The following CPXM1 variants were observed in gnomAD, a reference collection of about 807,000 sequenced individuals.
CPXM1 encodes the protein probable carboxypeptidase X1.
A neutral mutation model predicts 80.4 loss-of-function variants in CPXM1; 72 were observed. That is an observed-to-expected ratio of 0.90 (90% CI 0.74 to 1.09). The LOEUF is 1.09. Ranked by LOEUF, CPXM1 falls within the 50% of genes least tolerant of loss-of-function variation. CPXM1 has a pLI of 0.00. For synonymous variants in CPXM1, 403 were observed against 405.6 expected, an observed-to-expected ratio of 0.99 and a Z score of 0.08; for missense variants, 892 against 999.4, an observed-to-expected ratio of 0.89 and a Z score of 1.45.
chr20:2,797,630 G>A (rs2088524008), intron 5 of CPXM1, among the ~76,000 whole-genome samples: 2 of 152,230 alleles, frequency 1.3e-5, no homozygotes, highest in Non-Finnish European at 2.9e-5. Context: ...GTAGCCTGCT[G>A]TAAAAAGAGG....
rs753793658 is a variant in CPXM1, at chr20:2,795,401, C to G, written c.1736G>C (p.Ser579Thr). ...CTCAAAGCAGTTGGTGTGTAGGTAG[C>G]TGAAGTCATTCATGCCTAAGGGGAC... ...HTVPGSMNDF[S>T]YLHTNCFEVT... Residue 579 changes from serine to threonine, a missense_variant, in exon 12 of 14, where the codon AGC becomes ACC. Physicochemically the swap from Ser to Thr is moderately conservative, Grantham distance 58. Transcript: ENST00000380605. The surrounding 1 kb of genome is among the most constrained non-coding windows in gnomAD (Gnocchi z 5.4). 4.3e-6 allele frequency: 7 copies of G among 1,613,984 alleles called. No homozygotes were observed. The African/African-American group carries it at 8.0e-5, about 18-fold the overall frequency.
At position 2,794,420 on chromosome 20, in the gene CPXM1, C is replaced by A; in HGVS notation, c.1975G>T (p.Asp659Tyr). ...CCTGGGGTCAGCAGACGCCAATAAT[C>A]CCCGCCCCACGCTGAGGAGAGTGAA... ...NHDVTTAWGGDYWRLLTPGDY... is the reference protein window; with the variant it reads ...NHDVTTAWGGYYWRLLTPGDY... The change falls in exon 14 of 14, where the codon GAT (aspartate) becomes TAT (tyrosine). Residue 659 changes from aspartate (D) to tyrosine (Y), a missense_variant. Physicochemically the swap from Asp to Tyr is radical, Grantham distance 160. This residue lies in a region of CPXM1 where 874 missense variants were observed against 958.4 expected (regional missense o/e 0.91). Coordinates refer to ENST00000380605, the MANE Select transcript of CPXM1 (RefSeq NM_019609.5). This position sits in a 1 kb window ranked among gnomAD's most constrained non-coding sequence, Gnocchi z 5.2. 1 of 1,614,024 alleles carries A rather than the reference C, an allele frequency of 6.2e-7. No individual in the cohort carries two copies. Among genetic ancestry groups the A allele is most frequent in the Non-Finnish European group, 8.5e-7 (1 of 1,179,936 alleles).
In CPXM1 at chr20:2,798,075, A is replaced by G; in HGVS notation, c.591-17T>C. On this transcript the variant is annotated splice_polypyrimidine_tract_variant and intron_variant, in intron 4 of 13. Transcript: ENST00000380605. ...CAGTCATACCTGGCAGGAGAGGTGG[A>G]GAGAGATCATCGGTGCCCCCAGGAC... 6.2e-7 allele frequency: 1 copy of G among 1,614,026 alleles called. No homozygotes were observed. Among genetic ancestry groups the G allele is most frequent in the South Asian group, 1.1e-5 (1 of 91,080 alleles).
rs1166339889 is a variant in CPXM1 at position 2,794,766 on chromosome 20, A to G, written c.1861-127T>C. 6.2e-6 allele frequency: 4 copies of G among 648,116 alleles called. No homozygotes were observed. The highest frequency in any genetic ancestry group is 5.3e-5 in the East Asian group (2 of 37,456). 40.1% of individuals were successfully genotyped at this position (648,116 alleles called of 1,614,324 possible). On this transcript the variant is annotated intron_variant, in intron 12 of 13. Coordinates refer to ENST00000380605, the MANE Select transcript of CPXM1 (RefSeq NM_019609.5). This position sits in a 1 kb window ranked among gnomAD's most constrained non-coding sequence, Gnocchi z 5.2. Reference sequence around the variant, plus strand: ...TAGGTCTACTGTGTTCCTAGGTGACACTACTTCTGGAAGAAAAAAAAAAAA... The same window carrying G: ...TAGGTCTACTGTGTTCCTAGGTGACGCTACTTCTGGAAGAAAAAAAAAAAA...
chr20:2,795,759 G>GAGCTCGCGGGC lies in CPXM1; in HGVS notation c.1549_1559dup (p.Thr521ProfsTer59), dbSNP rs1454981182. The GAGCTCGCGGGC allele has an allele frequency of 1.9e-6, 3 of 1,613,488 alleles. No homozygotes were observed. The highest frequency in any genetic ancestry group is 1.3e-5 in the African/African-American group (1 of 75,052). On this transcript the variant is annotated frameshift_variant, in exon 11 of 14. Coordinates refer to ENST00000380605, the MANE Select transcript of CPXM1 (RefSeq NM_019609.5). LOFTEE classifies it high-confidence loss of function. The surrounding 1 kb of genome is among the most constrained non-coding windows in gnomAD (Gnocchi z 5.4). ...ACACAGCATCATCTGGTGTGGGCGTGAGCTCGCGGGCAGCCCACGGGGTGC... is the reference window on the plus strand; with the variant it reads ...ACACAGCATCATCTGGTGTGGGCGTGAGCTCGCGGGCAGCTCGCGGGCAGCCCACGGGGTGC...
At position 2,798,066 on chromosome 20, in the gene CPXM1, G is replaced by A. The variant is rs1302521716; in HGVS notation, c.591-8C>T. ...GATGTGACCCAGTCATACCTGGCAG[G>A]AGAGGTGGAGAGAGATCATCGGTGC... On this transcript the variant is annotated splice_polypyrimidine_tract_variant and splice_region_variant and intron_variant, in intron 4 of 13. Transcript: ENST00000380605. 6 of 1,614,138 alleles carry A rather than the reference G, an allele frequency of 3.7e-6. No individual in the cohort carries two copies. Among genetic ancestry groups the A allele is most frequent in the Non-Finnish European group, 5.1e-6 (6 of 1,180,006 alleles).
rs144563739 is a variant in CPXM1 at position 2,798,809 on chromosome 20, C to T, written c.257G>A (p.Arg86His). The T allele has an allele frequency of 3.1e-6, 5 of 1,613,850 alleles. No homozygotes were observed. Among genetic ancestry groups the T allele is most frequent in the East Asian group, 2.2e-5 (1 of 44,900 alleles). ...CCCGGCAGTCACCAGTGGGGTGGGG[C>T]GAGTTAGAGTTAGCTTCTTCCGCTT... ...MKKRKKLTLT[R>H]PTPLVTAGPL... The change falls in exon 2 of 14, where the codon CGC becomes CAC. Residue 86 changes from arginine (R) to histidine (H), a missense_variant. Physicochemically the swap from Arg to His is conservative, Grantham distance 29 (BLOSUM62 0). Transcript: ENST00000380605.
Position 2,797,292 on chromosome 20 carries a change from C to A in CPXM1, c.732G>T (p.Pro244=). 5 of 1,563,746 alleles carry A rather than the reference C, an allele frequency of 3.2e-6. No homozygotes were observed. The highest frequency in any genetic ancestry group is 1.2e-5 in the South Asian group (1 of 85,718). Residue 244 remains proline (P), a synonymous_variant, in exon 6 of 14, where the codon CCG becomes CCT. Transcript: ENST00000380605. ...DPETPVLNLL[P]EPQVARFIRL... ...GAATGAAGCGGGCCACCTGGGGCTC[C>A]GGCAGGAGGTTCAGCACTGGAGTTT...
rs762006674 is a variant in CPXM1 at position 2,795,427 on chromosome 20, C to T, written c.1721-11G>A. On this transcript the variant is annotated splice_polypyrimidine_tract_variant and intron_variant, in intron 11 of 13. Coordinates refer to ENST00000380605, the MANE Select transcript of CPXM1 (RefSeq NM_019609.5). This position sits in a 1 kb window ranked among gnomAD's most constrained non-coding sequence, Gnocchi z 5.4. Reference sequence around the variant, plus strand: ...TGAAGTCATTCATGCCTAAGGGGACCACAGACACTGCTGCCTAAGCAGGCG... The same window carrying T: ...TGAAGTCATTCATGCCTAAGGGGACTACAGACACTGCTGCCTAAGCAGGCG... The T allele has an allele frequency of 6.8e-6, 11 of 1,612,192 alleles. No individual in the cohort carries two copies. Among genetic ancestry groups the T allele is most frequent in the Non-Finnish European group, 9.3e-6 (11 of 1,178,510 alleles).
intron 2 of CPXM1, 84 bp downstream of exon 2, chr20:2,798,642 G>A: frequency 6.4e-7 from 1 of 1,552,096 alleles, no homozygotes. Flanking sequence ...CAAGGGGCGT[G>A]CCGGTGCCCA....
chr20:2,796,029 TG>T lies in CPXM1; in HGVS notation c.1374del (p.Asn459ThrfsTer24), dbSNP rs1315502719. Reference sequence around the variant, plus strand: ...TAAGTGGGCAATGGCAGGTGATGGTTGGGGACGATGTGGGGCACCTTCCCAT... The same window carrying T: ...TAAGTGGGCAATGGCAGGTGATGGTTGGGACGATGTGGGGCACCTTCCCAT... ...QDDGKVPHIV[P>X]NHHLPLPTYY... On this transcript the variant is annotated frameshift_variant, in exon 10 of 14. Transcript: ENST00000380605. LOFTEE classifies it high-confidence loss of function. This position sits in a 1 kb window ranked among gnomAD's most constrained non-coding sequence, Gnocchi z 6.8. 2 of 1,613,176 alleles carry T rather than the reference TG, an allele frequency of 1.2e-6. No homozygotes were observed. The highest frequency in any genetic ancestry group is 1.7e-6 in the Non-Finnish European group (2 of 1,179,634).
At chr20:2,798,100 C>T in intron 4 of CPXM1, 42 bp from the exon 5 acceptor site, 1 of 1,613,730 alleles carries the variant, frequency 6.2e-7, no homozygotes, top group East Asian at 2.2e-5. Context: ...GCCCCCAGGA[C>T]TCCCACCCCA....
Position 2,795,216 on chromosome 20 carries a change from G to A in CPXM1, c.1860+61C>T. On this transcript the variant is annotated intron_variant, in intron 12 of 13. Coordinates refer to ENST00000380605, the MANE Select transcript of CPXM1 (RefSeq NM_019609.5). This position sits in a 1 kb window ranked among gnomAD's most constrained non-coding sequence, Gnocchi z 5.4. ...CTTAGAAGAACCCCTGGTAGGAGCT[G>A]TAGCCTAAATGGACAGCAGGAGTGA... 6.3e-7 allele frequency: 1 copy of A among 1,579,174 alleles called. No homozygotes were observed. Among genetic ancestry groups the A allele is most frequent in the Non-Finnish European group, 8.6e-7 (1 of 1,158,768 alleles).
chr20:2,798,909 G>C lies in CPXM1; in HGVS notation c.173-16C>G, dbSNP rs768151099. 6.8e-6 allele frequency: 11 copies of C among 1,610,020 alleles called. No homozygotes were observed. Among genetic ancestry groups the C allele is most frequent in the African/African-American group, 1.3e-5 (1 of 74,790 alleles). On this transcript the variant is annotated splice_polypyrimidine_tract_variant and intron_variant, in intron 1 of 13. Transcript: ENST00000380605. ...TCTGAGGTCCCTTGGGGTCCGAGAG[G>C]CACAGCATGGGGGAAAGGAAGAATG...
chr20:2,798,944 C>T (rs759609866), intron 1 of CPXM1, 51 bp from the exon 2 acceptor site: 11 of 1,573,208 alleles, frequency 7.0e-6, no homozygotes, highest in African/African-American at 2.7e-5. Context: ...GGTGAAACCC[C>T]GGATGGAAAG....
In CPXM1 at chr20:2,794,537, C is replaced by A; in HGVS notation, c.1963G>T (p.Ala655Ser). 1 of 1,614,054 alleles carries A rather than the reference C, an allele frequency of 6.2e-7. No individual in the cohort carries two copies. The highest frequency in any genetic ancestry group is 8.5e-7 in the Non-Finnish European group (1 of 1,180,010). ...VDGINHDVTT[A>S]WGGDYWRLLT... is the part of the protein sequence containing the mutation. ...CCCTTGCCCTCCCGGTCAAACACAC[C>A]CGTGGTCACGTCATGGTTAATCCCA... The change falls in exon 13 of 14, where the codon GCG becomes TCG. Residue 655 changes from alanine (A) to serine (S), a missense_variant and splice_region_variant. Around this residue, in one of 2 missense-constraint regions of CPXM1, gnomAD observed 874 missense variants for 958.4 expected, o/e 0.91. Transcript: ENST00000380605. This position sits in a 1 kb window ranked among gnomAD's most constrained non-coding sequence, Gnocchi z 5.2.
In CPXM1 at chr20:2,795,906, G is replaced by A; in HGVS notation, c.1423-10C>T. 3 of 1,608,210 alleles carry A rather than the reference G, an allele frequency of 1.9e-6. No homozygotes were observed. The highest frequency in any genetic ancestry group is 1.7e-6 in the Non-Finnish European group (2 of 1,175,796). ...GCGTTTCAGGAGCCACCTGGATGGG[G>A]CAGGTCAGGAGGGGCAGGAGACAGA... On this transcript the variant is annotated splice_polypyrimidine_tract_variant and intron_variant, in intron 10 of 13. Coordinates refer to ENST00000380605, the MANE Select transcript of CPXM1 (RefSeq NM_019609.5). The surrounding 1 kb of genome is among the most constrained non-coding windows in gnomAD (Gnocchi z 5.4).
At chr20:2,800,236 C>A (rs990744444) in intron 1 of CPXM1, among the ~76,000 whole-genome samples, 165 bp downstream of exon 1, 1 of 151,232 alleles carries the variant, frequency 6.6e-6, no homozygotes, top group Admixed American at 6.6e-5. Flanking sequence ...TGAGTGCGCG[C>A]GCGTGTGTGC....
chr20:2,798,169 G>T lies in CPXM1; in HGVS notation c.573C>A (p.Gly191=). ...TGCCTCACCTCCAGACAGAGTTCCT[G>T]CCCTGTGTGATAACACCCGAGAAGC... The part of the protein sequence containing the change: ...PTRFSGVITQ[G]RNSVWRYDWV... Residue 191 remains glycine (G), a synonymous_variant, in exon 4 of 14, where the codon GGC becomes GGA. Coordinates refer to ENST00000380605, the MANE Select transcript of CPXM1 (RefSeq NM_019609.5). The T allele has an allele frequency of 2.5e-6, 4 of 1,613,994 alleles. No individual in the cohort carries two copies. The highest frequency in any genetic ancestry group is 3.4e-6 in the Non-Finnish European group (4 of 1,180,008).
Sources: gnomAD v4.1 joint callset for allele counts (sites outside exome capture counted in the v4.1 genomes callset) on GRCh38, gnomAD v4.1.1 for gene constraint, gnomAD v4.1.1 regional missense constraint, Gnocchi (gnomAD v3.1) non-coding constraint, MANE v1.5 for transcripts, NCBI Gene and HGNC (gene_info 2026-07-23, HGNC 2026-07-21) for gene names.